SNX24: variants seen among roughly 807,000 people sequenced by gnomAD.
The protein encoded by SNX24 is sorting nexin 24, also known as sorting nexin-24.
In SNX24, 22 loss-of-function variants were observed where a neutral mutation model predicts 28.7. The observed-to-expected ratio is 0.77, with a 90% CI of 0.55 to 1.10. The LOEUF is 1.10. SNX24 is among the 50% of genes least tolerant of loss of function. The pLI, the probability that SNX24 is intolerant of heterozygous loss-of-function variation, is 0.00. For synonymous variants in SNX24, 69 were observed against 71.5 expected (o/e 0.96, Z 0.18); for missense variants, 221 against 201.1 (o/e 1.10, Z -0.60).
At chr5:122,904,808 C>T (rs1239099544) in intron 1 of SNX24, among the ~76,000 whole-genome samples, 1 of 152,124 alleles carries the variant, frequency 6.6e-6, no homozygotes, top group Non-Finnish European at 1.5e-5. Flanking sequence ...GTTCTTTTGG[C>T]TTTCACTTAA....
At chr5:122,958,420 A>C (rs1760313997) in intron 3 of SNX24, among the ~76,000 whole-genome samples, 1 of 151,936 alleles carries the variant, frequency 6.6e-6, no homozygotes, top group African/African-American at 2.4e-5. Flanking sequence ...CACCCGGCTA[A>C]TTTTTGTATT....
chr5:122,885,549 A>G (rs1380455063), intron 1 of SNX24, among the ~76,000 whole-genome samples: 1 of 152,088 alleles, frequency 6.6e-6, no homozygotes, highest in Non-Finnish European at 1.5e-5. Flanking sequence ...ACCCATTCTT[A>G]TATCTCTAAG....
chr5:123,005,866 A>G (rs1762406006), intron 6 of SNX24, among the ~76,000 whole-genome samples: 1 of 152,220 alleles, frequency 6.6e-6, no homozygotes, highest in African/African-American at 2.4e-5. Flanking sequence ...GATATATTTC[A>G]TGAAAAACCA....
At chr5:122,912,839 G>A (rs200319933) in intron 1 of SNX24, among the ~76,000 whole-genome samples, 4,584 of 151,552 alleles carry the variant, frequency 0.03, 128 homozygotes, top group East Asian at 0.042. Flanking sequence ...ATAAACAAGT[G>A]AACAAAGGTC....
chr5:122,990,936 C>G (rs1270032987), intron 3 of SNX24, among the ~76,000 whole-genome samples: 2 of 152,144 alleles, frequency 1.3e-5, no homozygotes, highest in Non-Finnish European at 2.9e-5. Flanking sequence ...GAGTCTCATT[C>G]TGTTGTCTGG....
chr5:122,957,534 A>C (rs576004245), intron 3 of SNX24, among the ~76,000 whole-genome samples: 1 of 152,094 alleles, frequency 6.6e-6, no homozygotes, highest in Non-Finnish European at 1.5e-5. Flanking sequence ...TTTTGAATGG[A>C]TTTTTATATT....
chr5:122,949,806 AAAAC>A (rs1759852487), intron 3 of SNX24, among the ~76,000 whole-genome samples: 2 of 152,208 alleles, frequency 1.3e-5, no homozygotes, highest in African/African-American at 4.8e-5. Context: ...AACAAATTCT[AAAAC>A]AAAAACGAAA....
rs934909040 is a variant in SNX24, at chr5:123,029,151, T to C, written n.384-87T>C. On this transcript the variant is annotated intron_variant and non_coding_transcript_variant, in intron 5 of 5. Coordinates refer to the SNX24 transcript ENST00000502387. ...TTTCCAGAAGCCTAAGGGCACTGAG[T>C]GCCCAAATAATACATATTTAATTGG... 7.7e-6 allele frequency: 11 copies of C among 1,422,322 alleles called. No individual in the cohort carries two copies. The African/African-American group carries it at 1.6e-4, about 20-fold the overall frequency. 88.1% of individuals were successfully genotyped at this position (1,422,322 alleles called of 1,614,324 possible).
At chr5:122,853,479 G>C (rs1274284774) in intron 1 of SNX24, among the ~76,000 whole-genome samples, 1 of 152,066 alleles carries the variant, frequency 6.6e-6, no homozygotes, top group African/African-American at 2.4e-5. Context: ...CATTCTTCTT[G>C]AACATTAACA....
chr5:122,861,057 A>G (rs1049652187), intron 1 of SNX24, among the ~76,000 whole-genome samples: 16 of 151,698 alleles, frequency 1.1e-4, no homozygotes, highest in African/African-American at 3.9e-4. Context: ...AAGAAACTTG[A>G]GGCTGGGTGC....
chr5:122,887,095 A>T (rs1386098842), intron 1 of SNX24, among the ~76,000 whole-genome samples: 5 of 152,168 alleles, frequency 3.3e-5, no homozygotes, highest in African/African-American at 1.2e-4. Context: ...TGAAACAAGG[A>T]TCTCTGGGTG....
At chr5:122,979,391 C>T (rs1448141884) in intron 3 of SNX24, among the ~76,000 whole-genome samples, 1 of 152,172 alleles carries the variant, frequency 6.6e-6, no homozygotes, top group Non-Finnish European at 1.5e-5. Context: ...TAAGGAGCAG[C>T]CTGCAACCCG....
chr5:122,966,424 C>A (rs142128182), intron 3 of SNX24, among the ~76,000 whole-genome samples: 116 of 152,316 alleles, frequency 7.6e-4, no homozygotes, highest in African/African-American at 2.7e-3. Flanking sequence ...AGCCATATGG[C>A]TGTGTTGCAA....
At chr5:122,901,248 C>T (rs1757437565) in intron 1 of SNX24, among the ~76,000 whole-genome samples, 1 of 150,550 alleles carries the variant, frequency 6.6e-6, no homozygotes, top group Non-Finnish European at 1.5e-5. Flanking sequence ...TGATGAAGAA[C>T]TATTGCACTG....
chr5:122,901,461 A>G (rs80291657), intron 1 of SNX24, among the ~76,000 whole-genome samples: 4,330 of 152,322 alleles, frequency 0.028, 179 homozygotes, highest in African/African-American at 0.085. Context: ...GGGACAAAAC[A>G]CAAAGATATA....
At chr5:122,863,242 C>T (rs1008271396) in intron 1 of SNX24, among the ~76,000 whole-genome samples, 9 of 152,002 alleles carry the variant, frequency 5.9e-5, no homozygotes, top group African/African-American at 1.2e-4. Flanking sequence ...ACATTGGAAC[C>T]GGGACCTGAA....
At chr5:122,932,373 T>C (rs1009363225) in intron 1 of SNX24, among the ~76,000 whole-genome samples, 4 of 152,180 alleles carry the variant, frequency 2.6e-5, no homozygotes, top group Non-Finnish European at 4.4e-5. Flanking sequence ...CGCAGTGGCA[T>C]GGGCCTCTAA....
chr5:122,942,859 T>C (rs945640161), intron 2 of SNX24, among the ~76,000 whole-genome samples: 2 of 152,196 alleles, frequency 1.3e-5, no homozygotes, highest in Admixed American at 1.3e-4. Flanking sequence ...AATGCTGTCA[T>C]GGATCCCAGC....
chr5:122,895,894 A>G (rs916015852), intron 1 of SNX24, among the ~76,000 whole-genome samples: 9 of 152,246 alleles, frequency 5.9e-5, no homozygotes, highest in African/African-American at 2.2e-4. Flanking sequence ...CATGCCTGTA[A>G]TCCCAGCACT....
Sources: gnomAD v4.1 joint callset for allele counts (sites outside exome capture counted in the v4.1 genomes callset) on GRCh38, gnomAD v4.1.1 for gene constraint, MANE v1.5 for transcripts, NCBI Gene and HGNC (gene_info 2026-07-23, HGNC 2026-07-21) for gene names.